ZBED6: variants seen among roughly 807,000 people sequenced by gnomAD.
ZBED6 encodes zinc finger BED domain-containing protein 6.
ZBED6 carries 40 observed loss-of-function variants against 58.4 expected under a neutral mutation model. The observed-to-expected ratio is 0.68, with a 90% CI of 0.53 to 0.89. ZBED6 has a LOEUF of 0.89. Among genes scored for constraint, ZBED6 ranks in the 40% least tolerant of loss-of-function variants. The pLI is 0.00. For missense variants in ZBED6, 1,057 were observed against 1,003.9 expected, an observed-to-expected ratio of 1.05 and a Z score of -0.71; for synonymous variants, 439 against 350.6, an observed-to-expected ratio of 1.25 and a Z score of -2.82.
chr1:203,847,059 C>T, intron 11 of ZBED6, 125 bp from the exon 12 acceptor site: 1 of 1,019,476 alleles, frequency 9.8e-7, no homozygotes, highest in Non-Finnish European at 1.5e-6. Flanking sequence ...CCCTTTTGAT[C>T]CTTTTAATTG....
In ZBED6 at chr1:203,806,879, A is replaced by T. The variant is rs561473495; in HGVS notation, c.*2554+3863A>T. 1.8e-3 allele frequency among the ~76,000 whole-genome samples: 242 copies of T among 131,282 alleles called. 2 individuals carry two copies. Among genetic ancestry groups the T allele is most frequent in the African/African-American group, 6.4e-3 (227 of 35,226 alleles). 86.1% of individuals were successfully genotyped at this position (131,282 alleles called of 152,430 possible). A position where few individuals can be genotyped will look rare whatever the true frequency, so the allele number is the denominator to read the frequency against. ...TTACTTGATAAAGACTACTTCAAGT[A>T]CTTTTCTTCACTTTTTAACCATTTT... On this transcript the variant is annotated intron_variant, in intron 1 of 16. Coordinates refer to ENST00000550078, the Ensembl canonical transcript of ZBED6.
intron 10 of ZBED6, among the ~76,000 whole-genome samples, chr1:203,838,312 G>A (rs947878010): frequency 6.6e-6 from 1 of 152,162 alleles, no homozygotes; most frequent in Non-Finnish European, 1.5e-5. Context: ...TTATAAATGC[G>A]ATAAATTTTG....
intron 11 of ZBED6, among the ~76,000 whole-genome samples, chr1:203,845,264 A>G (rs556314274): frequency 3.3e-5 from 5 of 152,232 alleles, no homozygotes; most frequent in South Asian, 2.1e-4. Flanking sequence ...TATCATTTCA[A>G]TGAAATTTTG....
intron 3 of ZBED6, among the ~76,000 whole-genome samples, chr1:203,827,372 A>G (rs1444891082): frequency 6.8e-6 from 1 of 146,742 alleles, no homozygotes; most frequent in African/African-American, 2.5e-5. Flanking sequence ...TTTTCTCCCA[A>G]TTTTCCTTTA....
At chr1:203,799,429 C>G (rs1669828908) in exon 1 of ZBED6, 1 of 702,960 alleles carries the variant, frequency 1.4e-6, no homozygotes, top group Admixed American at 2.0e-5. Context: ...CACCAACTTC[C>G]ATGGAAGAAT....
intron 8 of ZBED6, among the ~76,000 whole-genome samples, chr1:203,832,368 T>C (rs947786264): frequency 1.3e-5 from 2 of 151,676 alleles, no homozygotes; most frequent in Admixed American, 6.6e-5. Context: ...GCCATTAATT[T>C]TTTTTTTTTT....
intron 11 of ZBED6, among the ~76,000 whole-genome samples, chr1:203,842,044 C>T (rs1163940468): frequency 2.0e-5 from 3 of 150,466 alleles, no homozygotes; most frequent in Non-Finnish European, 4.4e-5. Context: ...AGACGATGGG[C>T]GGCCGGGCAG....
intron 1 of ZBED6, among the ~76,000 whole-genome samples, chr1:203,803,800 T>TTGC (rs1671261722): frequency 6.6e-6 from 1 of 151,962 alleles, no homozygotes; most frequent in African/African-American, 2.4e-5. Context: ...AGAGATGGAG[T>TTGC]TGCTCTGTGT....
chr1:203,851,247 A>G (rs1166941686), intron 16 of ZBED6, 123 bp downstream of exon 16: 1 of 864,160 alleles, frequency 1.2e-6, no homozygotes, highest in Non-Finnish European at 1.8e-6. Flanking sequence ...CTTCAAATTA[A>G]TTGCAAGAAA....
intron 1 of ZBED6, among the ~76,000 whole-genome samples, chr1:203,812,341 A>G (rs1041860510): frequency 2.6e-5 from 4 of 152,070 alleles, no homozygotes; most frequent in African/African-American, 9.7e-5. Context: ...TGTTCTCAGC[A>G]TTTAGCTCCC....
At chr1:203,845,652 C>T (rs1687683536) in intron 11 of ZBED6, among the ~76,000 whole-genome samples, 1 of 151,868 alleles carries the variant, frequency 6.6e-6, no homozygotes, top group Non-Finnish European at 1.5e-5. Context: ...TCTCTTGAGA[C>T]CAGGAGTTTT....
intron 11 of ZBED6, among the ~76,000 whole-genome samples, chr1:203,844,585 T>G (rs1359478591): frequency 2.0e-5 from 3 of 152,218 alleles, no homozygotes; most frequent in African/African-American, 4.8e-5. Context: ...TTGTTGTTTT[T>G]CCATAGTTGT....
At chr1:203,815,241 G>A (rs185406979) in intron 1 of ZBED6, among the ~76,000 whole-genome samples, 209 of 76,540 alleles carry the variant, frequency 2.7e-3, no homozygotes, top group African/African-American at 0.011. Flanking sequence ...TTGAGACAGT[G>A]TCTCGCTCTG....
rs760091218 is a variant in ZBED6 at position 203,840,371 on chromosome 1, A to G, written c.*3738A>G. Reference sequence around the variant, plus strand: ...AGCTGATCCAGATAATGAGGATGCAACAGGTAAGTAAATCCTAAGACCAGA... The same window carrying G: ...AGCTGATCCAGATAATGAGGATGCAGCAGGTAAGTAAATCCTAAGACCAGA... On this transcript the variant is annotated 3_prime_UTR_variant, in exon 11 of 17. Transcript: ENST00000550078. 42 of 1,612,124 alleles carry G rather than the reference A, an allele frequency of 2.6e-5. No individual in the cohort carries two copies. The highest frequency in any genetic ancestry group is 3.3e-5 in the Non-Finnish European group (39 of 1,178,870).
intron 3 of ZBED6, among the ~76,000 whole-genome samples, chr1:203,827,904 T>C (rs1397085309): frequency 6.6e-6 from 1 of 152,196 alleles, no homozygotes; most frequent in Non-Finnish European, 1.5e-5. Context: ...TTATTCCCGT[T>C]TTATAGCTAA....
chr1:203,813,358 C>T (rs1447560600), intron 1 of ZBED6, among the ~76,000 whole-genome samples: 1 of 152,090 alleles, frequency 6.6e-6, no homozygotes, highest in East Asian at 1.9e-4. Flanking sequence ...AGGCATTCAC[C>T]ACCATGCCTG....
chr1:203,848,495 CTTCA>C, intron 13 of ZBED6, 88 bp downstream of exon 13: 4 of 933,512 alleles, frequency 4.3e-6, no homozygotes, highest in Non-Finnish European at 6.6e-6. Flanking sequence ...TTTCTAAGTA[CTTCA>C]TTCATATATT....
chr1:203,815,515 G>T (rs765964061), intron 1 of ZBED6, among the ~76,000 whole-genome samples: 1 of 151,490 alleles, frequency 6.6e-6, no homozygotes, highest in Non-Finnish European at 1.5e-5. Flanking sequence ...CACTGCACCC[G>T]GCCTATTTCA....
At chr1:203,851,968 CAAAAAAAAAAAAA>C (rs57160781) in intron 16 of ZBED6, among the ~76,000 whole-genome samples, 160 bp from the exon 17 acceptor site, 4 of 45,842 alleles carry the variant, frequency 8.7e-5, no homozygotes, top group Non-Finnish European at 1.1e-4. Flanking sequence ...GACTCTGCCT[CAAAAAAAAAAAAA>C]AAAAAAAAAA....
Sources: gnomAD v4.1 joint callset for allele counts (sites outside exome capture counted in the v4.1 genomes callset) on GRCh38, gnomAD v4.1.1 for gene constraint, MANE v1.5 for transcripts, NCBI Gene and HGNC (gene_info 2026-07-23, HGNC 2026-07-21) for gene names.